INTS9: variants seen among roughly 807,000 people sequenced by gnomAD.
The protein encoded by INTS9 is protein related to CPSF subunits of 74 kDa.
Under a neutral mutation model 79.7 loss-of-function variants are expected in INTS9, and 55 were observed. The observed-to-expected ratio is 0.69, with a 90% confidence interval of 0.56 to 0.86. The LOEUF (loss-of-function observed/expected upper bound fraction) is 0.86. INTS9 is among the 40% of genes least tolerant of loss of function. The pLI is 0.00. For missense variants in INTS9, 721 were observed against 831.5 expected, an observed-to-expected ratio of 0.87 and a Z score of 1.64; for synonymous variants, 319 against 325.2, an observed-to-expected ratio of 0.98 and a Z score of 0.20.
intron 14 of INTS9, 115 bp downstream of exon 14, chr8:28,775,644 G>A (rs762346474): frequency 6.7e-5 from 76 of 1,140,116 alleles, no homozygotes; most frequent in Middle Eastern, 2.0e-4. Flanking sequence ...GAGCTACTGC[G>A]CGCAGCCTGG....
intron 1 of INTS9, among the ~76,000 whole-genome samples, chr8:28,866,042 T>A (rs1446342343): frequency 6.6e-6 from 1 of 152,226 alleles, no homozygotes; most frequent in African/African-American, 2.4e-5. Context: ...AATCTGCTAT[T>A]TAGCCAATGG....
At chr8:28,827,611 T>C (rs1806227473) in intron 6 of INTS9, among the ~76,000 whole-genome samples, 1 of 152,118 alleles carries the variant, frequency 6.6e-6, no homozygotes, top group African/African-American at 2.4e-5. Context: ...TAAGGACACA[T>C]ATGGAGTTTC....
At chr8:28,811,711 G>A (rs192245398) in intron 8 of INTS9, among the ~76,000 whole-genome samples, 7 of 152,236 alleles carry the variant, frequency 4.6e-5, no homozygotes, top group East Asian at 1.9e-4. Flanking sequence ...ATGAGCCACC[G>A]CGCCCAGCCG....
At chr8:28,786,307 G>T (rs1306104293) in intron 11 of INTS9, among the ~76,000 whole-genome samples, 1 of 151,240 alleles carries the variant, frequency 6.6e-6, no homozygotes, top group Non-Finnish European at 1.5e-5. Context: ...TTTGAGACAG[G>T]GTCTTGCTCT....
chr8:28,813,731 CATAGG>C lies in INTS9; in HGVS notation c.489-124_489-120del, dbSNP rs1805298253. 6 of 1,053,012 alleles carry C rather than the reference CATAGG, an allele frequency of 5.7e-6. No individual in the cohort carries two copies. The South Asian group carries it at 9.4e-5, about 16-fold the overall frequency. 65.2% of individuals were successfully genotyped at this position (1,053,012 alleles called of 1,614,324 possible). A position where few individuals can be genotyped will look rare whatever the true frequency, so the allele number is the denominator to read the frequency against. On this transcript the variant is annotated intron_variant, in intron 6 of 16. Coordinates refer to ENST00000521022, the MANE Select transcript of INTS9 (RefSeq NM_018250.4). ...TTTAATTTACTGGCATATAATTGTT[CATAGG>C]ATTCCTTTATGACCATTTCTCTGTT...
At chr8:28,831,328 G>A (rs1806476460) in intron 6 of INTS9, among the ~76,000 whole-genome samples, 1 of 152,158 alleles carries the variant, frequency 6.6e-6, no homozygotes, top group African/African-American at 2.4e-5. Flanking sequence ...GGAAGGGGGA[G>A]CATTGAGATA....
intron 11 of INTS9, 95 bp from the exon 12 acceptor site, chr8:28,781,089 T>C: frequency 1.1e-6 from 1 of 943,942 alleles, no homozygotes; most frequent in Admixed American, 2.6e-5. Flanking sequence ...GGATCTAAAA[T>C]ACCAACAAAG....
At chr8:28,769,407 A>G (rs1053285774) in intron 16 of INTS9, among the ~76,000 whole-genome samples, 7 of 152,166 alleles carry the variant, frequency 4.6e-5, no homozygotes, top group Non-Finnish European at 1.0e-4. Context: ...TCTTTTAATC[A>G]TAGTCAAGAA....
chr8:28,858,481 T>C (rs1371632560), intron 2 of INTS9, among the ~76,000 whole-genome samples: 1 of 152,248 alleles, frequency 6.6e-6, no homozygotes, highest in Admixed American at 6.5e-5. Flanking sequence ...ATCCAGTTTT[T>C]GGGCAATATC....
rs565524175 is a variant in INTS9, at chr8:28,779,334, G to A, written c.1271-1381C>T. 1.3e-5 allele frequency among the ~76,000 whole-genome samples: 2 copies of A among 152,248 alleles called. 1 individual carries two copies. The highest frequency in any genetic ancestry group is 4.1e-4 in the South Asian group (2 of 4,830). ...GTCCTGGTGACCGGGGCCTCTCCTGGCACTTTCTGCCTGGCCTGGTATCAG... is the reference window on the plus strand; with the variant it reads ...GTCCTGGTGACCGGGGCCTCTCCTGACACTTTCTGCCTGGCCTGGTATCAG... On this transcript the variant is annotated intron_variant, in intron 12 of 16. Transcript: ENST00000521022.
chr8:28,828,936 G>GC (rs1403875718), intron 6 of INTS9, among the ~76,000 whole-genome samples: 1 of 152,068 alleles, frequency 6.6e-6, no homozygotes, highest in East Asian at 1.9e-4. Flanking sequence ...ACCAGCCTTG[G>GC]CCCCCCAAAG....
At chr8:28,801,832 C>G (rs1563260676) in intron 8 of INTS9, among the ~76,000 whole-genome samples, 1 of 152,132 alleles carries the variant, frequency 6.6e-6, no homozygotes, top group East Asian at 1.9e-4. Flanking sequence ...AGCCTGGTCT[C>G]AAACTCCTGG....
chr8:28,836,654 C>A (rs1467281947), intron 5 of INTS9, among the ~76,000 whole-genome samples: 1 of 152,176 alleles, frequency 6.6e-6, no homozygotes, highest in African/African-American at 2.4e-5. Flanking sequence ...TTCATAGGAA[C>A]AGTTTGGTGT....
intron 14 of INTS9, among the ~76,000 whole-genome samples, chr8:28,774,199 G>C (rs1004523935): frequency 2.6e-5 from 4 of 152,234 alleles, no homozygotes; most frequent in African/African-American, 4.8e-5. Flanking sequence ...CACACACACA[G>C]TGAACAGACA....
intron 2 of INTS9, among the ~76,000 whole-genome samples, chr8:28,855,883 C>A (rs1023682433): frequency 2.0e-5 from 3 of 152,154 alleles, no homozygotes; most frequent in African/African-American, 7.2e-5. Context: ...TGAGGAGGAT[C>A]ATGCCTGCAT....
chr8:28,794,389 G>A (rs1804081783), intron 9 of INTS9, among the ~76,000 whole-genome samples: 2 of 152,180 alleles, frequency 1.3e-5, no homozygotes, highest in African/African-American at 2.4e-5. Flanking sequence ...TTTGACTAAC[G>A]TTTGTCTGCA....
At chr8:28,792,124 A>C (rs1349385575) in intron 10 of INTS9, among the ~76,000 whole-genome samples, 2 of 152,202 alleles carry the variant, frequency 1.3e-5, no homozygotes, top group Non-Finnish European at 2.9e-5. Context: ...TGGATCACTC[A>C]ATCAGGATAG....
At chr8:28,850,713 A>C (rs1807783010) in intron 2 of INTS9, among the ~76,000 whole-genome samples, 1 of 152,198 alleles carries the variant, frequency 6.6e-6, no homozygotes, top group South Asian at 2.1e-4. Context: ...CTATCTTCCC[A>C]TCAGCATTCA....
chr8:28,812,607 A>T, intron 7 of INTS9, 146 bp from the exon 8 acceptor site: 1 of 883,786 alleles, frequency 1.1e-6, no homozygotes, highest in Non-Finnish European at 1.7e-6. Context: ...GCAATGGCTC[A>T]CGCCTGTAAT....
Sources: allele counts gnomAD v4.1 joint callset (sites outside exome capture counted in the v4.1 genomes callset), GRCh38; gene constraint gnomAD v4.1.1; transcripts MANE v1.5; gene names NCBI Gene and HGNC (gene_info 2026-07-23, HGNC 2026-07-21).